The following MLLT3 variants were observed in gnomAD, a reference collection of about 807,000 sequenced individuals.
The protein encoded by MLLT3 is MLLT3 super elongation complex subunit.
MLLT3 carries 4 observed loss-of-function variants against 53.2 expected under a neutral mutation model. The observed-to-expected ratio is 0.08, with a 90% CI of 0.04 to 0.17. The LOEUF is 0.17. Ranked by LOEUF, MLLT3 falls within the 10% of genes least tolerant of loss-of-function variation. The probability of loss-of-function intolerance (pLI) is 1.00; values close to 1 mark genes in which losing one functional copy is unlikely to be tolerated. For missense variants in MLLT3, 569 were observed against 684.0 expected (o/e 0.83, Z 1.87); for synonymous variants, 283 against 230.6 (o/e 1.23, Z -2.06).
intron 2 of MLLT3, among the ~76,000 whole-genome samples, chr9:20,550,902 C>G (rs11791533): frequency 1.3e-5 from 2 of 152,214 alleles, no homozygotes; most frequent in African/African-American, 4.8e-5. Flanking sequence ...GGACTACAGG[C>G]ATGTGCCATC....
intron 4 of MLLT3, among the ~76,000 whole-genome samples, chr9:20,444,619 T>A (rs574681122): frequency 1.3e-5 from 2 of 152,168 alleles, no homozygotes; most frequent in Non-Finnish European, 2.9e-5. Flanking sequence ...ACACCTGTAG[T>A]TAGAGCACTT....
chr9:20,554,149 AT>A (rs1818997689), intron 2 of MLLT3, among the ~76,000 whole-genome samples: 1 of 152,032 alleles, frequency 6.6e-6, no homozygotes, highest in Admixed American at 6.6e-5. Context: ...TCTGCCTAAC[AT>A]TTTTCATATA....
rs189612204 is a variant in MLLT3 at position 20,480,317 on chromosome 9, A to C, written c.194-23531T>G. Among the ~76,000 whole-genome samples, 374 of 152,296 alleles carry C rather than the reference A, an allele frequency of 2.5e-3. 2 individuals carry two copies. Among genetic ancestry groups the C allele is most frequent in the Middle Eastern group, 0.01 (3 of 294 alleles). ...TTCATTTCAGGGGGCCTAAAAATAA[A>C]TGCATGAAATAGCTCTTTCATGGGC... On this transcript the variant is annotated intron_variant, in intron 2 of 10. Coordinates refer to ENST00000380338, the MANE Select transcript of MLLT3 (RefSeq NM_004529.4).
intron 8 of MLLT3, among the ~76,000 whole-genome samples, chr9:20,360,349 A>C (rs1821283438): frequency 1.3e-5 from 2 of 152,188 alleles, no homozygotes; most frequent in Admixed American, 1.3e-4. Flanking sequence ...GCTAAAAGTT[A>C]ATTTCCCACC....
chr9:20,585,346 C>T (rs187266276), intron 2 of MLLT3, among the ~76,000 whole-genome samples: 2 of 152,280 alleles, frequency 1.3e-5, no homozygotes, highest in East Asian at 1.9e-4. Context: ...TCCATCAGAT[C>T]AGGGTCCCAC....
chr9:20,465,931 A>G (rs1054799320), intron 2 of MLLT3, among the ~76,000 whole-genome samples: 1 of 152,092 alleles, frequency 6.6e-6, no homozygotes, highest in African/African-American at 2.4e-5. Context: ...CAATCTTTCA[A>G]TCTTCTTCAA....
intron 5 of MLLT3, among the ~76,000 whole-genome samples, chr9:20,402,686 A>G (rs1029544773): frequency 1.3e-5 from 2 of 152,190 alleles, no homozygotes; most frequent in African/African-American, 4.8e-5. Context: ...AAATACATCA[A>G]GTCATGATTA....
chr9:20,363,641 T>C (rs760898829), intron 6 of MLLT3, 36 bp from the exon 7 acceptor site: 1 of 1,607,910 alleles, frequency 6.2e-7, no homozygotes, highest in African/African-American at 1.3e-5. Context: ...CAATCAAACA[T>C]ATACTCAAAC....
At chr9:20,563,780 G>C (rs925871969) in intron 2 of MLLT3, among the ~76,000 whole-genome samples, 1 of 152,112 alleles carries the variant, frequency 6.6e-6, no homozygotes, top group Non-Finnish European at 1.5e-5. Flanking sequence ...TCTTTATGTG[G>C]GAAAGACGTT....
At chr9:20,351,853 C>A (rs574173574) in intron 10 of MLLT3, among the ~76,000 whole-genome samples, 1 of 152,226 alleles carries the variant, frequency 6.6e-6, no homozygotes, top group East Asian at 1.9e-4. Context: ...AGCAGTAAAC[C>A]GTGACAGGAC....
chr9:20,384,954 C>A (rs191620535), intron 5 of MLLT3, among the ~76,000 whole-genome samples: 1 of 152,212 alleles, frequency 6.6e-6, no homozygotes, highest in East Asian at 1.9e-4. Context: ...TCTAGATTAT[C>A]TGGTCTTTCC....
intron 2 of MLLT3, among the ~76,000 whole-genome samples, chr9:20,536,608 G>A (rs1034931448): frequency 6.6e-6 from 1 of 152,068 alleles, no homozygotes; most frequent in Non-Finnish European, 1.5e-5. Flanking sequence ...GTGAACCAAA[G>A]GGAAAATAGT....
intron 4 of MLLT3, among the ~76,000 whole-genome samples, chr9:20,439,491 G>A (rs1823492225): frequency 6.7e-6 from 1 of 149,676 alleles, no homozygotes; most frequent in African/African-American, 2.5e-5. Context: ...ACCATGAAGA[G>A]AAAATTTCAA....
chr9:20,427,640 C>T (rs1393203195), intron 4 of MLLT3, among the ~76,000 whole-genome samples: 9 of 151,654 alleles, frequency 5.9e-5, no homozygotes, highest in Admixed American at 2.0e-4. Flanking sequence ...TAATCCTAGA[C>T]ACATTGTACT....
chr9:20,447,975 C>A (rs1823745809), intron 4 of MLLT3, 148 bp downstream of exon 4: 1 of 746,604 alleles, frequency 1.3e-6, no homozygotes, highest in African/African-American at 1.8e-5. Context: ...ACACATGAAT[C>A]CACAGCTAAG....
At chr9:20,393,914 ATTAT>A (rs1297739334) in intron 5 of MLLT3, among the ~76,000 whole-genome samples, 1 of 152,192 alleles carries the variant, frequency 6.6e-6, no homozygotes, top group Non-Finnish European at 1.5e-5. Context: ...ATTGGTTCTG[ATTAT>A]TTGATACTTG....
intron 2 of MLLT3, among the ~76,000 whole-genome samples, chr9:20,590,863 G>A (rs1176049148): frequency 6.6e-6 from 1 of 152,048 alleles, no homozygotes; most frequent in East Asian, 1.9e-4. Context: ...AGCCTCCTGA[G>A]TAGTTGGGAT....
At chr9:20,587,429 C>T (rs973758396) in intron 2 of MLLT3, among the ~76,000 whole-genome samples, 7 of 152,058 alleles carry the variant, frequency 4.6e-5, no homozygotes, top group African/African-American at 1.4e-4. Flanking sequence ...GCCTTCAGTG[C>T]ATAAGAGAGC....
intron 2 of MLLT3, among the ~76,000 whole-genome samples, chr9:20,559,428 G>A (rs1819144016): frequency 6.6e-6 from 1 of 152,186 alleles, no homozygotes; most frequent in African/African-American, 2.4e-5. Context: ...GCAGAGGGGT[G>A]GGGGCATTTT....
Sources: allele counts gnomAD v4.1 joint callset (sites outside exome capture counted in the v4.1 genomes callset), GRCh38; gene constraint gnomAD v4.1.1; transcripts MANE v1.5; gene names NCBI Gene and HGNC (gene_info 2026-07-23, HGNC 2026-07-21).